AFF1: variants seen among roughly 807,000 people sequenced by gnomAD.
The protein encoded by AFF1 is AF4/FMR2 family member 1.
In AFF1, 48 loss-of-function variants were observed where a neutral mutation model predicts 121.7. That is an observed-to-expected ratio of 0.39 (90% CI 0.31 to 0.50). AFF1 has a LOEUF of 0.50. AFF1 is among the 20% of genes least tolerant of loss of function. The pLI is 0.76. For synonymous variants in AFF1, 613 were observed against 563.0 expected (o/e 1.09, Z -1.26); for missense variants, 1,523 against 1,511.7 (o/e 1.01, Z -0.12).
At chr4:87,122,731 T>C (rs186133199) in intron 12 of AFF1, among the ~76,000 whole-genome samples, 1 of 152,058 alleles carries the variant, frequency 6.6e-6, no homozygotes, top group African/African-American at 2.4e-5. Flanking sequence ...CTAATCTGAT[T>C]AGTAGTTCAG....
chr4:87,103,348 T>G (rs1428202478), intron 8 of AFF1, among the ~76,000 whole-genome samples: 2 of 152,248 alleles, frequency 1.3e-5, no homozygotes, highest in Non-Finnish European at 2.9e-5. Flanking sequence ...TCATGTGAGA[T>G]ATGTTTATTC....
At chr4:87,007,479 A>T in intron 2 of AFF1, 2 of 1,605,566 alleles carry the variant, frequency 1.2e-6, no homozygotes, top group Non-Finnish European at 1.7e-6. Context: ...GGGGAGCTGA[A>T]GGTTGCGGGG....
intron 2 of AFF1, among the ~76,000 whole-genome samples, chr4:87,017,665 G>A (rs528115210): frequency 6.6e-6 from 1 of 152,214 alleles, no homozygotes; most frequent in African/African-American, 2.4e-5. Flanking sequence ...AAATAAAAGC[G>A]TTCGGGCAAA....
chr4:87,044,709 G>A (rs1730497916), intron 2 of AFF1, among the ~76,000 whole-genome samples: 1 of 152,130 alleles, frequency 6.6e-6, no homozygotes, highest in Admixed American at 6.5e-5. Context: ...ATACTTCCTA[G>A]GGAAGCTGGC....
chr4:87,044,433 T>A (rs893322785), intron 2 of AFF1, among the ~76,000 whole-genome samples: 1 of 152,138 alleles, frequency 6.6e-6, no homozygotes, highest in Non-Finnish European at 1.5e-5. Context: ...GTTCACATGC[T>A]AGGGGAGAAG....
At chr4:87,087,291 A>G (rs1366755859) in intron 5 of AFF1, among the ~76,000 whole-genome samples, 1 of 152,260 alleles carries the variant, frequency 6.6e-6, no homozygotes, top group Non-Finnish European at 1.5e-5. Context: ...CATGGAGATC[A>G]GAGTAGGGAA....
intron 2 of AFF1, among the ~76,000 whole-genome samples, chr4:87,027,784 GTTTTTTTTTTTTT>G (rs35903702): frequency 2.2e-5 from 2 of 90,600 alleles, no homozygotes; most frequent in East Asian, 7.2e-4. Context: ...TTGCTGTTGG[GTTTTTTTTTTTTT>G]TTTTTTTTTT....
chr4:87,125,060 T>C lies in AFF1; in HGVS notation c.2490T>C (p.Asp830=). 2 of 1,607,798 alleles carry C rather than the reference T, an allele frequency of 1.2e-6. No individual in the cohort carries two copies. Among genetic ancestry groups the C allele is most frequent in the South Asian group, 1.1e-5 (1 of 89,976 alleles). The stretch of plus-strand genomic sequence containing the variant: ...AGGGTGAAGCAGAAAGAGACTGTGA[T>C]AACAAGAAAATCAGACTGGAGAAGG... The part of the protein sequence containing the change: ...KRKGEAERDC[D]NKKIRLEKEI... Residue 830 remains aspartate (D), a synonymous_variant, in exon 13 of 21, where the codon GAT becomes GAC. Coordinates refer to ENST00000395146, the MANE Select transcript of AFF1 (RefSeq NM_001166693.3).
At chr4:87,095,450 T>C (rs915187151) in intron 8 of AFF1, among the ~76,000 whole-genome samples, 1 of 152,164 alleles carries the variant, frequency 6.6e-6, no homozygotes, top group African/African-American at 2.4e-5. Context: ...CTGTTGAAGG[T>C]CTATGTACCA....
In AFF1 at chr4:87,013,032, C is replaced by CTTTTTT. The variant is rs61071328; in HGVS notation, c.39-33113_39-33108dup. Among the ~76,000 whole-genome samples the CTTTTTT allele has an allele frequency of 1.8e-3, 170 of 93,460 alleles. 18 individuals are homozygous for CTTTTTT. The highest frequency in any genetic ancestry group is 6.6e-3 in the African/African-American group (153 of 23,232). The allele number at this position is 93,460 out of a possible 152,430, so 61.3% of individuals were successfully genotyped here. A position where few individuals can be genotyped will look rare whatever the true frequency, so the allele number is the denominator to read the frequency against. On this transcript the variant is annotated intron_variant, in intron 2 of 20. Coordinates refer to ENST00000395146, the MANE Select transcript of AFF1 (RefSeq NM_001166693.3). ...AACCAGATTGAACTGCTATCAAGTT[C>CTTTTTT]TTTTTTTTTTTTTTTTTTTTTTTTT...
intron 2 of AFF1, among the ~76,000 whole-genome samples, chr4:87,045,043 A>G (rs1017471611): frequency 6.6e-6 from 1 of 152,168 alleles, no homozygotes; most frequent in Non-Finnish European, 1.5e-5. Flanking sequence ...AGGCTGAATT[A>G]AAGGGATAAG....
At chr4:87,027,784 G>GTTTTTT (rs35903702) in intron 2 of AFF1, among the ~76,000 whole-genome samples, 72 of 90,594 alleles carry the variant, frequency 7.9e-4, no homozygotes, top group African/African-American at 2.1e-3. Context: ...TTGCTGTTGG[G>GTTTTTT]TTTTTTTTTT....
chr4:86,996,487 G>A (rs998114835), intron 2 of AFF1, among the ~76,000 whole-genome samples: 3 of 151,516 alleles, frequency 2.0e-5, no homozygotes, highest in Middle Eastern at 3.2e-3. Context: ...GATTAAGGGC[G>A]GTGCAAGATG....
chr4:86,958,769 C>T (rs979203289), intron 2 of AFF1, among the ~76,000 whole-genome samples: 2 of 151,980 alleles, frequency 1.3e-5, no homozygotes, highest in Non-Finnish European at 2.9e-5. Flanking sequence ...CATCTTGATC[C>T]AAGGAAACCA....
rs979718612 is a variant in AFF1 at position 86,950,136 on chromosome 4, G to T, written c.38+1565G>T. ...GGAGCAGGGCAGGGATGGGACTTGG[G>T]CCAGCACCGGACAAGGCAGATGCTG... On this transcript the variant is annotated intron_variant, in intron 2 of 20. Transcript: ENST00000395146. 1.9e-5 allele frequency: 29 copies of T among 1,562,798 alleles called. No individual in the cohort carries two copies. The Admixed American group carries it at 4.5e-4, about 24-fold the overall frequency.
chr4:87,046,089 C>T (rs1730657080), intron 2 of AFF1, 77 bp from the exon 3 acceptor site: 3 of 1,560,576 alleles, frequency 1.9e-6, no homozygotes, highest in Non-Finnish European at 2.6e-6. Context: ...CCTCCCTTCT[C>T]ACATGTAAGT....
intron 4 of AFF1, among the ~76,000 whole-genome samples, chr4:87,056,350 A>G (rs931923405): frequency 1.3e-5 from 2 of 152,240 alleles, no homozygotes; most frequent in African/African-American, 4.8e-5. Context: ...AAAGGAAGGC[A>G]TTCTATGTTA....
intron 4 of AFF1, among the ~76,000 whole-genome samples, chr4:87,054,589 C>T (rs930865791): frequency 3.3e-5 from 5 of 152,144 alleles, no homozygotes; most frequent in Non-Finnish European, 7.4e-5. Context: ...CTGGGCAGAC[C>T]TACATGACCT....
At chr4:87,123,049 ACACT>A (rs1727872117) in intron 12 of AFF1, among the ~76,000 whole-genome samples, 1 of 151,914 alleles carries the variant, frequency 6.6e-6, no homozygotes, top group South Asian at 2.1e-4. Context: ...ACGCACCACC[ACACT>A]CGACTAATTT....
Sources: allele counts gnomAD v4.1 joint callset (sites outside exome capture counted in the v4.1 genomes callset), GRCh38; gene constraint gnomAD v4.1.1; transcripts MANE v1.5; gene names NCBI Gene and HGNC (gene_info 2026-07-23, HGNC 2026-07-21).